CDH13: variants seen among roughly 807,000 people sequenced by gnomAD.
The protein encoded by CDH13 is cadherin 13, also known as cadherin-13.
Under a neutral mutation model 63.8 loss-of-function variants are expected in CDH13, and 24 were observed. The ratio of observed to expected loss-of-function variants is 0.38; its 90% CI spans 0.27 to 0.53. The LOEUF (loss-of-function observed/expected upper bound fraction) is 0.53, where lower values mean the gene tolerates loss of function less well. CDH13 is among the 20% of genes least tolerant of loss of function. The probability of loss-of-function intolerance (pLI) is 0.85; values close to 1 mark genes in which losing one functional copy is unlikely to be tolerated. For missense variants in CDH13, 1,049 were observed against 903.1 expected (o/e 1.16, Z -2.07); for synonymous variants, 503 against 355.3 (o/e 1.42, Z -4.67).
At chr16:83,315,280 A>C (rs2090082664) in intron 5 of CDH13, among the ~76,000 whole-genome samples, 1 of 152,240 alleles carries the variant, frequency 6.6e-6, no homozygotes, top group Admixed American at 6.5e-5. Context: ...CAGAGTGCTG[A>C]GAATGCTGCT....
chr16:82,962,354 G>A (rs1485633432), intron 2 of CDH13, among the ~76,000 whole-genome samples: 1 of 152,198 alleles, frequency 6.6e-6, no homozygotes, highest in Non-Finnish European at 1.5e-5. Flanking sequence ...TTCCAAAAAA[G>A]CGTGGCCCTG....
intron 6 of CDH13, among the ~76,000 whole-genome samples, chr16:83,346,343 C>G (rs769587447): frequency 2.0e-5 from 3 of 152,114 alleles, no homozygotes; most frequent in African/African-American, 7.2e-5. Flanking sequence ...GAGAAACACC[C>G]TAGAATTTCG....
intron 6 of CDH13, among the ~76,000 whole-genome samples, chr16:83,468,956 T>A (rs1464034294): frequency 5.9e-5 from 9 of 152,192 alleles, no homozygotes; most frequent in African/African-American, 2.2e-4. Context: ...GCCCGTGGGT[T>A]TCTGATTGCC....
chr16:82,719,291 A>G (rs1259773276), intron 1 of CDH13: 2 of 448,058 alleles, frequency 4.5e-6, no homozygotes, highest in African/African-American at 4.0e-5. Flanking sequence ...TATCTGGGAC[A>G]GGTGGTGTGG....
chr16:83,748,627 C>G (rs189412977), intron 11 of CDH13, among the ~76,000 whole-genome samples: 1 of 152,234 alleles, frequency 6.6e-6, no homozygotes, highest in East Asian at 1.9e-4. Context: ...CATCACTGAC[C>G]CTGACCATTG....
At chr16:82,994,217 C>T (rs1017232423) in intron 2 of CDH13, among the ~76,000 whole-genome samples, 1 of 152,202 alleles carries the variant, frequency 6.6e-6, no homozygotes, top group Non-Finnish European at 1.5e-5. Flanking sequence ...TTGTGCATCA[C>T]ACTCACTGGC....
intron 3 of CDH13, among the ~76,000 whole-genome samples, chr16:83,100,794 C>A (rs1455701768): frequency 6.6e-6 from 1 of 152,130 alleles, no homozygotes; most frequent in Admixed American, 6.6e-5. Context: ...CTTGCAGCAC[C>A]CATGGGTGTG....
chr16:83,332,591 A>T (rs894590310), intron 5 of CDH13, among the ~76,000 whole-genome samples: 1 of 152,194 alleles, frequency 6.6e-6, no homozygotes, highest in East Asian at 1.9e-4. Flanking sequence ...CTAAAGTATT[A>T]TATTTCCCAT....
chr16:83,534,345 C>CTCTT (rs1452644571), intron 7 of CDH13, among the ~76,000 whole-genome samples: 2 of 152,168 alleles, frequency 1.3e-5, no homozygotes, highest in African/African-American at 2.4e-5. Flanking sequence ...GTTCTTTGAC[C>CTCTT]TCTTCATTTT....
intron 7 of CDH13, among the ~76,000 whole-genome samples, chr16:83,602,107 CAAAAAAAAAA>C (rs869202510): frequency 1.3e-4 from 1 of 7,960 alleles, no homozygotes; most frequent in East Asian, 3.8e-3. Context: ...AGAACAACAA[CAAAAAAAAAA>C]AAAAAAAAAA....
intron 7 of CDH13, among the ~76,000 whole-genome samples, chr16:83,540,926 G>T (rs1308173714): frequency 6.6e-6 from 1 of 152,140 alleles, no homozygotes; most frequent in Non-Finnish European, 1.5e-5. Context: ...CACTGCACCT[G>T]GCCTATTGTC....
chr16:83,520,129 G>A (rs28719691), intron 7 of CDH13, among the ~76,000 whole-genome samples: 12,906 of 152,018 alleles, frequency 0.085, 1,439 homozygotes, highest in African/African-American at 0.26. Context: ...TTTTCAAAAT[G>A]GTAGCCCCAG....
At chr16:82,933,974 T>A (rs2042585139) in intron 2 of CDH13, among the ~76,000 whole-genome samples, 1 of 152,188 alleles carries the variant, frequency 6.6e-6, no homozygotes, top group African/African-American at 2.4e-5. Flanking sequence ...CGTCTATGAC[T>A]TTTCCAGGTG....
intron 2 of CDH13, among the ~76,000 whole-genome samples, chr16:82,959,170 A>G (rs1473394994): frequency 6.6e-6 from 1 of 152,236 alleles, no homozygotes; most frequent in Non-Finnish European, 1.5e-5. Context: ...TTATTTGGAA[A>G]GCCTCTACTT....
intron 3 of CDH13, among the ~76,000 whole-genome samples, chr16:83,066,471 G>C (rs1317055995): frequency 7.2e-5 from 11 of 152,150 alleles, no homozygotes; most frequent in Non-Finnish European, 2.9e-5. Flanking sequence ...ACCTCCTGAA[G>C]TCATCAACCC....
At chr16:83,572,886 C>G (rs1337875885) in intron 7 of CDH13, among the ~76,000 whole-genome samples, 1 of 152,072 alleles carries the variant, frequency 6.6e-6, no homozygotes, top group African/African-American at 2.4e-5. Flanking sequence ...TGTTTTATTT[C>G]CTAGTAGTAT....
chr16:83,448,129 A>T (rs1229750708), intron 6 of CDH13, among the ~76,000 whole-genome samples: 3 of 152,168 alleles, frequency 2.0e-5, no homozygotes, highest in Non-Finnish European at 4.4e-5. Context: ...TTTAAATGAT[A>T]GCTTTGTGTA....
chr16:83,656,971 G>C (rs1029847435), intron 8 of CDH13, among the ~76,000 whole-genome samples: 1 of 152,192 alleles, frequency 6.6e-6, no homozygotes, highest in African/African-American at 2.4e-5. Flanking sequence ...GGTGATTAAA[G>C]GACAGGCTGA....
intron 7 of CDH13, among the ~76,000 whole-genome samples, chr16:83,583,164 G>A (rs189953676): frequency 6.6e-6 from 1 of 152,252 alleles, no homozygotes; most frequent in Admixed American, 6.5e-5. Flanking sequence ...TTCTCCCTGT[G>A]TCTTCTCATC....
Sources: allele counts gnomAD v4.1 joint callset (sites outside exome capture counted in the v4.1 genomes callset), GRCh38; gene constraint gnomAD v4.1.1; transcripts MANE v1.5; gene names NCBI Gene and HGNC (gene_info 2026-07-23, HGNC 2026-07-21).